The following F2RL2 variants were observed in gnomAD, a reference collection of about 807,000 sequenced individuals.
F2RL2 encodes coagulation factor II thrombin receptor like 2.
In F2RL2, 4 loss-of-function variants were observed where a neutral mutation model predicts 4.3. The ratio of observed to expected loss-of-function variants is 0.93; its 90% CI spans 0.46 to 2.12. The LOEUF (loss-of-function observed/expected upper bound fraction) is 2.12. F2RL2 is among the 30% of genes most tolerant of loss of function. F2RL2 has a pLI of 0.02. For synonymous variants in F2RL2, 166 were observed against 170.9 expected, an observed-to-expected ratio of 0.97 and a Z score of 0.22; for missense variants, 408 against 449.3, an observed-to-expected ratio of 0.91 and a Z score of 0.83.
Position 76,617,380 on chromosome 5 carries a change from T to A in F2RL2, c.*202A>T. The A allele has an allele frequency of 1.9e-6, 1 of 518,364 alleles. No individual in the cohort carries two copies. Among genetic ancestry groups the A allele is most frequent in the Non-Finnish European group, 3.4e-6 (1 of 292,948 alleles). 32.1% of individuals were successfully genotyped at this position (518,364 alleles called of 1,614,324 possible). A position where few individuals can be genotyped will look rare whatever the true frequency, so the allele number is the denominator to read the frequency against. ...CAGAGGTTGCAATGAGCCAAGATAGTGCCACTGCACGCCAGTCTGGGTGAT... is the reference window on the plus strand; with the variant it reads ...CAGAGGTTGCAATGAGCCAAGATAGAGCCACTGCACGCCAGTCTGGGTGAT... On this transcript the variant is annotated 3_prime_UTR_variant, in exon 2 of 2. Transcript: ENST00000296641.
At chr5:76,622,644 A>G (rs1749813318) in intron 1 of F2RL2, among the ~76,000 whole-genome samples, 1 of 152,226 alleles carries the variant, frequency 6.6e-6, no homozygotes, top group Admixed American at 6.5e-5. Flanking sequence ...AAATTAAAAA[A>G]TCATATATGA....
Position 76,616,007 on chromosome 5 carries a change from A to G in F2RL2, c.*1575T>C, listed in dbSNP as rs1436008763. On this transcript the variant is annotated 3_prime_UTR_variant, in exon 2 of 2. Transcript: ENST00000296641. ...AGATTTTAAAAATTCATTCAGCCAC[A>G]TAGTATTCAAAGCATGGAGCTGGGT... 2.0e-5 allele frequency: 3 copies of G among 152,638 alleles called. No homozygotes were observed. The highest frequency in any genetic ancestry group is 4.4e-5 in the Non-Finnish European group (3 of 68,052). The allele number at this position is 152,638 out of a possible 1,614,324, so 9.5% of individuals were successfully genotyped here.
Position 76,618,058 on chromosome 5 carries a change from C to A in F2RL2, c.649G>T (p.Val217Leu), listed in dbSNP as rs138554256. ...HTYALVTCGL[V>L]WATVFLYMLP... ...ATATATAAGAAAACTGTTGCCCACA[C>A]CAGTCCACATGTTACCAAGGCATAG... The change falls in exon 2 of 2, where the codon GTG becomes TTG. Residue 217 changes from valine to leucine, a missense_variant. Val to Leu is a conservative substitution (Grantham distance 32). Coordinates refer to ENST00000296641, the MANE Select transcript of F2RL2 (RefSeq NM_004101.4). 1 of 1,614,156 alleles carries A rather than the reference C, an allele frequency of 6.2e-7. No individual in the cohort carries two copies. The highest frequency in any genetic ancestry group is 8.5e-7 in the Non-Finnish European group (1 of 1,180,032).
rs1483245274 is a variant in F2RL2 at position 76,616,096 on chromosome 5, T to C, written c.*1486A>G. ...AGGAAGGCAGAGGATGAGCACCTTCTCCATTATACTTGGTACTTGATTGTT... is the reference window on the plus strand; with the variant it reads ...AGGAAGGCAGAGGATGAGCACCTTCCCCATTATACTTGGTACTTGATTGTT... On this transcript the variant is annotated 3_prime_UTR_variant, in exon 2 of 2. Coordinates refer to ENST00000296641, the MANE Select transcript of F2RL2 (RefSeq NM_004101.4). 1 of 152,664 alleles carries C rather than the reference T, an allele frequency of 6.6e-6. No individual in the cohort carries two copies. Among genetic ancestry groups the C allele is most frequent in the East Asian group, 1.9e-4 (1 of 5,202 alleles). 9.5% of individuals were successfully genotyped at this position (152,664 alleles called of 1,614,324 possible). A position where few individuals can be genotyped will look rare whatever the true frequency, so the allele number is the denominator to read the frequency against.
chr5:76,619,146 A>G (rs1749334915), intron 1 of F2RL2, among the ~76,000 whole-genome samples: 1 of 152,218 alleles, frequency 6.6e-6, no homozygotes, highest in Non-Finnish European at 1.5e-5. Context: ...GCAAATTTTT[A>G]TTGTACATTG....
At chr5:76,620,463 C>T (rs1299400674) in intron 1 of F2RL2, among the ~76,000 whole-genome samples, 5 of 152,100 alleles carry the variant, frequency 3.3e-5, no homozygotes. Flanking sequence ...ATGCCATTAA[C>T]TGAGTTGGAG....
Position 76,617,423 on chromosome 5 carries a change from C to A in F2RL2, c.*159G>T, listed in dbSNP as rs1400047555. On this transcript the variant is annotated 3_prime_UTR_variant, in exon 2 of 2. Transcript: ENST00000296641. Reference sequence around the variant, plus strand: ...TGGGTGATAAAGTGAGACTCAGTCTCAAAAACAAACAAACAAACTACTAAT... The same window carrying A: ...TGGGTGATAAAGTGAGACTCAGTCTAAAAAACAAACAAACAAACTACTAAT... 1 of 622,546 alleles carries A rather than the reference C, an allele frequency of 1.6e-6. No individual in the cohort carries two copies. The highest frequency in any genetic ancestry group is 2.8e-5 in the East Asian group (1 of 35,968). The allele number at this position is 622,546 out of a possible 1,614,324, so 38.6% of individuals were successfully genotyped here.
At position 76,617,886 on chromosome 5, in the gene F2RL2, G is replaced by T. The variant is rs1384714673; in HGVS notation, c.821C>A (p.Pro274Gln). 6.2e-7 allele frequency: 1 copy of T among 1,614,034 alleles called. No homozygotes were observed. The highest frequency in any genetic ancestry group is 1.7e-5 in the Admixed American group (1 of 60,008). ...ISLAFFGFLIPFVLIIYCYAA... is the reference protein window; with the variant it reads ...ISLAFFGFLIQFVLIIYCYAA... Reference sequence around the variant, plus strand: ...ATAGCAGTAGATGATAAGCACAAATGGAATTAAGAATCCAAAGAATGCCAA... The same window carrying T: ...ATAGCAGTAGATGATAAGCACAAATTGAATTAAGAATCCAAAGAATGCCAA... The change falls in exon 2 of 2, where the codon CCA (proline) becomes CAA (glutamine). Residue 274 changes from proline to glutamine, a missense_variant. By Grantham distance (76) the Pro-to-Gln change is moderately conservative. Transcript: ENST00000296641.
In F2RL2 at chr5:76,617,463, T is replaced by C; in HGVS notation, c.*119A>G. Reference sequence around the variant, plus strand: ...AAACTACTAATGCTTTTGTAATGTTTGACCTTTGAAGCATATTTCTTAGGA... The same window carrying C: ...AAACTACTAATGCTTTTGTAATGTTCGACCTTTGAAGCATATTTCTTAGGA... On this transcript the variant is annotated 3_prime_UTR_variant, in exon 2 of 2. Transcript: ENST00000296641. 1 of 715,306 alleles carries C rather than the reference T, an allele frequency of 1.4e-6. No homozygotes were observed. The highest frequency in any genetic ancestry group is 2.3e-6 in the Non-Finnish European group (1 of 435,452). The allele number at this position is 715,306 out of a possible 1,614,324, so 44.3% of individuals were successfully genotyped here. A position where few individuals can be genotyped will look rare whatever the true frequency, so the allele number is the denominator to read the frequency against.
At position 76,617,572 on chromosome 5, in the gene F2RL2, G is replaced by C. The variant is rs1241043038; in HGVS notation, c.*10C>G. On this transcript the variant is annotated 3_prime_UTR_variant, in exon 2 of 2. Transcript: ENST00000296641. The stretch of plus-strand genomic sequence containing the variant: ...TGTGATGGCTGTCCTTGTTCTCTAA[G>C]ATCATTTCACTATTTTGTAAGGTAA... 6.3e-7 allele frequency: 1 copy of C among 1,593,804 alleles called. No individual in the cohort carries two copies. Among genetic ancestry groups the C allele is most frequent in the East Asian group, 2.2e-5 (1 of 44,772 alleles).
rs374081515 is a variant in F2RL2 at position 76,619,578 on chromosome 5, A to G, written c.65-936T>C. 3.6e-5 allele frequency among the ~76,000 whole-genome samples: 5 copies of G among 138,418 alleles called. No homozygotes were observed. In the East Asian group the frequency reaches 6.3e-4, roughly 17 times the overall value. 90.8% of individuals were successfully genotyped at this position (138,418 alleles called of 152,430 possible). ...GTCGCCCAGGCTGGAGTGCAGTGGC[A>G]CGATCTCAGCTCACTGCAACCTCCG... On this transcript the variant is annotated intron_variant, in intron 1 of 1. Transcript: ENST00000296641.
chr5:76,617,412 A>T lies in F2RL2; in HGVS notation c.*170T>A. 1.7e-6 allele frequency: 1 copy of T among 594,830 alleles called. No homozygotes were observed. The highest frequency in any genetic ancestry group is 2.9e-6 in the Non-Finnish European group (1 of 342,764). 36.8% of individuals were successfully genotyped at this position (594,830 alleles called of 1,614,324 possible). A position where few individuals can be genotyped will look rare whatever the true frequency, so the allele number is the denominator to read the frequency against. The stretch of plus-strand genomic sequence containing the variant: ...GCACGCCAGTCTGGGTGATAAAGTG[A>T]GACTCAGTCTCAAAAACAAACAAAC... On this transcript the variant is annotated 3_prime_UTR_variant, in exon 2 of 2. Transcript: ENST00000296641.
chr5:76,623,148 C>A lies in F2RL2; in HGVS notation c.64+19G>T, dbSNP rs79814375. ...CAGAAACCCACATCCCCATCCTACC[C>A]CCTGAGAAAATTGCTTACCACTCTG... On this transcript the variant is annotated intron_variant, in intron 1 of 1. Transcript: ENST00000296641. The A allele has an allele frequency of 6.2e-7, 1 of 1,613,320 alleles. No homozygotes were observed. The highest frequency in any genetic ancestry group is 1.3e-5 in the African/African-American group (1 of 74,884).
At position 76,619,808 on chromosome 5, in the gene F2RL2, G is replaced by A. The variant is rs183699130; in HGVS notation, c.65-1166C>T. 1.4e-3 allele frequency among the ~76,000 whole-genome samples: 206 copies of A among 152,234 alleles called. 2 individuals carry two copies. The highest frequency in any genetic ancestry group is 3.3e-3 in the African/African-American group (135 of 41,526). On this transcript the variant is annotated intron_variant, in intron 1 of 1. Coordinates refer to ENST00000296641, the MANE Select transcript of F2RL2 (RefSeq NM_004101.4). ...GCTGGGATTACAGGCGTGAGCCACCGCGCCCGGCCAGTTAAGGATCTTAAA... is the reference window on the plus strand; with the variant it reads ...GCTGGGATTACAGGCGTGAGCCACCACGCCCGGCCAGTTAAGGATCTTAAA...
chr5:76,618,967 A>G (rs1346870071), intron 1 of F2RL2, among the ~76,000 whole-genome samples: 1 of 152,220 alleles, frequency 6.6e-6, no homozygotes, highest in African/African-American at 2.4e-5. Flanking sequence ...ACAATACTTA[A>G]TAGATTCAGA....
intron 1 of F2RL2, among the ~76,000 whole-genome samples, chr5:76,622,101 C>T (rs1749746087): frequency 6.6e-6 from 1 of 152,162 alleles, no homozygotes; most frequent in Admixed American, 6.5e-5. Flanking sequence ...TTGCTTCATT[C>T]TTCCTTCACA....
intron 1 of F2RL2, among the ~76,000 whole-genome samples, chr5:76,619,103 A>T (rs1749328891): frequency 6.6e-6 from 1 of 152,248 alleles, no homozygotes. Context: ...GTGGGCTATC[A>T]TGGGATCTGG....
At position 76,620,115 on chromosome 5, in the gene F2RL2, CCACT is replaced by C. The variant is rs2069667; in HGVS notation, c.65-1477_65-1474del. ...CAGAAATATAATCTGTTATTTTAAGCCACTCAGTTTGTAATGATTTGATATAGCA... is the reference window on the plus strand; with the variant it reads ...CAGAAATATAATCTGTTATTTTAAGCCAGTTTGTAATGATTTGATATAGCA... On this transcript the variant is annotated intron_variant, in intron 1 of 1. Coordinates refer to ENST00000296641, the MANE Select transcript of F2RL2 (RefSeq NM_004101.4). Among the ~76,000 whole-genome samples, 701 of 152,246 alleles carry C rather than the reference CCACT, an allele frequency of 4.6e-3. 3 individuals carry two copies. The highest frequency in any genetic ancestry group is 0.016 in the African/African-American group (666 of 41,512).
Position 76,617,942 on chromosome 5 carries a change from T to A in F2RL2, c.765A>T (p.Ser255=). 5 of 1,614,048 alleles carry A rather than the reference T, an allele frequency of 3.1e-6. No individual in the cohort carries two copies. The highest frequency in any genetic ancestry group is 1.3e-5 in the African/African-American group (1 of 74,998). ...CHDVHNTCES[S]SPFQLYYFIS... ...TGAAGTAATAGAGTTGGAAGGGAGA[T>A]GAGGACTCGCAAGTGTTGTGAACAT... is the stretch of plus-strand genomic sequence containing the variant. The change falls in exon 2 of 2, where the codon TCA becomes TCT. Residue 255 remains serine, a synonymous_variant. Coordinates refer to ENST00000296641, the MANE Select transcript of F2RL2 (RefSeq NM_004101.4).
Sources: allele counts gnomAD v4.1 joint callset (sites outside exome capture counted in the v4.1 genomes callset), GRCh38; gene constraint gnomAD v4.1.1; transcripts MANE v1.5; gene names NCBI Gene and HGNC (gene_info 2026-07-23, HGNC 2026-07-21).